The following CC2D2B variants were observed in gnomAD, a reference collection of about 807,000 sequenced individuals.
CC2D2B encodes coiled-coil and C2 domain containing 2B.
In CC2D2B, 128 loss-of-function variants were observed where a neutral mutation model predicts 161.2. The observed-to-expected ratio is 0.79, with a 90% CI of 0.69 to 0.92. The LOEUF (loss-of-function observed/expected upper bound fraction) is 0.92, where lower values mean the gene tolerates loss of function less well. Ranked by LOEUF, CC2D2B falls within the 40% of genes least tolerant of loss-of-function variation. CC2D2B has a pLI of 0.00. For missense variants in CC2D2B, 1,173 were observed against 1,375.1 expected, an observed-to-expected ratio of 0.85 and a Z score of 2.32; for synonymous variants, 391 against 449.8, an observed-to-expected ratio of 0.87 and a Z score of 1.65.
Position 95,966,244 on chromosome 10 carries a change from AC to A in CC2D2B, c.1410del (p.Leu471Ter). The A allele has an allele frequency of 8.1e-7, 1 of 1,228,822 alleles. No individual in the cohort carries two copies. Among genetic ancestry groups the A allele is most frequent in the Non-Finnish European group, 1.0e-6 (1 of 985,244 alleles). 76.1% of individuals were successfully genotyped at this position (1,228,822 alleles called of 1,614,324 possible). ...ETEIERIKPI[T>X]LRPQLSFTAE... ...AGAAATTGAAAGAATAAAGCCAATT[AC>A]CTTGAGGCCACAACTTTCTTTCACT... On this transcript the variant is annotated frameshift_variant, in exon 14 of 35. Coordinates refer to ENST00000646931, the MANE Select transcript of CC2D2B (RefSeq NM_001349008.3). LOFTEE classifies it high-confidence loss of function.
intron 17 of CC2D2B, among the ~76,000 whole-genome samples, chr10:95,979,495 T>A (rs548824083): frequency 1.3e-5 from 2 of 152,110 alleles, no homozygotes; most frequent in Non-Finnish European, 2.9e-5. Context: ...CTAAGTAAAG[T>A]TCCCCCCAGA....
In CC2D2B at chr10:96,033,070, A is replaced by C. The variant is rs377271836; in HGVS notation, c.*1062A>C. Among the ~76,000 whole-genome samples, 49 of 152,218 alleles carry C rather than the reference A, an allele frequency of 3.2e-4. No homozygotes were observed. Among genetic ancestry groups the C allele is most frequent in the African/African-American group, 1.1e-3 (44 of 41,458 alleles). On this transcript the variant is annotated 3_prime_UTR_variant, in exon 35 of 35. Transcript: ENST00000646931. ...ATAACTTATCAAAAAGAAATAATCA[A>C]GGAGTATGGATTTCCAAAGGTTGAC...
In CC2D2B at chr10:95,965,725, T is replaced by A. The variant is rs149206682; in HGVS notation, c.1251-171T>A. 1.1e-3 allele frequency among the ~76,000 whole-genome samples: 166 copies of A among 152,116 alleles called. 1 individual carries two copies. The highest frequency in any genetic ancestry group is 1.9e-3 in the Non-Finnish European group (132 of 67,916). Reference sequence around the variant, plus strand: ...CCGAGAACAAGCTTATAAAGTTTTTTAAATATTTATCAAATTGGTAATTTC... The same window carrying A: ...CCGAGAACAAGCTTATAAAGTTTTTAAAATATTTATCAAATTGGTAATTTC... On this transcript the variant is annotated intron_variant, in intron 12 of 34. Coordinates refer to ENST00000646931, the MANE Select transcript of CC2D2B (RefSeq NM_001349008.3).
Position 95,927,219 on chromosome 10 carries a change from A to G in CC2D2B, c.241-18A>G, listed in dbSNP as rs1363157018. ...AGAAAAAGTGTTTATTTCAACACTA[A>G]ATACTGGTTTATCATAGTTGTCTCC... On this transcript the variant is annotated intron_variant, in intron 5 of 34. Transcript: ENST00000646931. 2.1e-6 allele frequency: 3 copies of G among 1,416,830 alleles called. No individual in the cohort carries two copies. In the Admixed American group the frequency reaches 6.1e-5, roughly 29 times the overall value. The allele number at this position is 1,416,830 out of a possible 1,614,324, so 87.8% of individuals were successfully genotyped here. A position where few individuals can be genotyped will look rare whatever the true frequency, so the allele number is the denominator to read the frequency against.
intron 26 of CC2D2B, among the ~76,000 whole-genome samples, chr10:96,011,367 A>T (rs1416338101): frequency 1.3e-5 from 2 of 152,120 alleles, no homozygotes; most frequent in African/African-American, 4.8e-5. Flanking sequence ...CTGGGTTGTA[A>T]TCCTGGCTCC....
At chr10:95,926,723 C>T (rs1431621805) in intron 5 of CC2D2B, among the ~76,000 whole-genome samples, 3 of 151,622 alleles carry the variant, frequency 2.0e-5, no homozygotes, top group Non-Finnish European at 4.4e-5. Flanking sequence ...AAAATGAGAG[C>T]TTCTTTGTCA....
At chr10:95,912,899 T>A (rs2098509024) in intron 2 of CC2D2B, among the ~76,000 whole-genome samples, 1 of 152,184 alleles carries the variant, frequency 6.6e-6, no homozygotes, top group South Asian at 2.1e-4. Context: ...ATACCATGTG[T>A]AATAATCACA....
intron 19 of CC2D2B, among the ~76,000 whole-genome samples, chr10:95,984,442 T>G (rs2077639437): frequency 6.6e-6 from 1 of 152,194 alleles, no homozygotes; most frequent in Non-Finnish European, 1.5e-5. Context: ...TGCTGAAGTA[T>G]TTATCTAGAG....
chr10:95,972,330 T>C (rs2077164658), intron 16 of CC2D2B, 114 bp downstream of exon 16: 4 of 664,316 alleles, frequency 6.0e-6, no homozygotes, highest in Middle Eastern at 9.6e-4. Context: ...ATATTCTTTT[T>C]TGTTTGTTTG....
intron 24 of CC2D2B, among the ~76,000 whole-genome samples, chr10:95,997,723 G>A (rs1450845233): frequency 1.3e-5 from 2 of 152,158 alleles, no homozygotes; most frequent in African/African-American, 4.8e-5. Flanking sequence ...GCCCACTTCT[G>A]TAGTTTCTAA....
intron 34 of CC2D2B, among the ~76,000 whole-genome samples, chr10:96,031,337 A>G (rs2141997160): frequency 6.6e-6 from 1 of 152,348 alleles, no homozygotes; most frequent in African/African-American, 2.4e-5. Flanking sequence ...ACAGTGTGAA[A>G]GAATGGTTGT....
At chr10:95,972,604 G>A (rs1271845489) in intron 16 of CC2D2B, among the ~76,000 whole-genome samples, 1 of 152,072 alleles carries the variant, frequency 6.6e-6, no homozygotes, top group Admixed American at 6.5e-5. Context: ...GTGAGCCACC[G>A]CACCTGGCCC....
intron 15 of CC2D2B, among the ~76,000 whole-genome samples, chr10:95,969,562 G>A (rs189165924): frequency 6.4e-4 from 97 of 152,126 alleles, no homozygotes; most frequent in Admixed American, 2.7e-3. Context: ...GAAGGGAGGT[G>A]CTTGAGGAGT....
chr10:95,966,357 G>T, intron 14 of CC2D2B, 55 bp downstream of exon 14: 1 of 655,864 alleles, frequency 1.5e-6, no homozygotes, highest in Non-Finnish European at 2.2e-6. Context: ...TAATTGGATT[G>T]TTTTTAATAA....
Position 96,019,692 on chromosome 10 carries a change from G to GT in CC2D2B, c.3766-6dup. On this transcript the variant is annotated splice_polypyrimidine_tract_variant and intron_variant, in intron 31 of 34. Transcript: ENST00000646931. ...GGACCTACACTAATGTTATATTAATGTTTTCATAGGTCTGGTTTAATATTC... is the reference window on the plus strand; with the variant it reads ...GGACCTACACTAATGTTATATTAATGTTTTTCATAGGTCTGGTTTAATATTC... The GT allele has an allele frequency of 6.4e-7, 1 of 1,563,520 alleles. No homozygotes were observed. Among genetic ancestry groups the GT allele is most frequent in the Non-Finnish European group, 8.6e-7 (1 of 1,162,340 alleles).
intron 5 of CC2D2B, among the ~76,000 whole-genome samples, chr10:95,926,773 T>C (rs1209320599): frequency 6.6e-6 from 1 of 150,964 alleles, no homozygotes; most frequent in Admixed American, 6.7e-5. Context: ...TTCAGACTTT[T>C]AATTGCTTCT....
At chr10:95,977,225 A>AT (rs1424257898) in intron 17 of CC2D2B, among the ~76,000 whole-genome samples, 1 of 152,134 alleles carries the variant, frequency 6.6e-6, no homozygotes, top group Middle Eastern at 3.2e-3. Flanking sequence ...AAATACAAAA[A>AT]TTAGCTGGAC....
In CC2D2B at chr10:96,033,117, A is replaced by G. The variant is rs2080113494; in HGVS notation, c.*1109A>G. ...TGACCAGAGCAGTTTTGTATGAGGT[A>G]AAGATAAAAGAACATTCACCTCTCC... is the stretch of plus-strand genomic sequence containing the variant. On this transcript the variant is annotated 3_prime_UTR_variant, in exon 35 of 35. Transcript: ENST00000646931. Among the ~76,000 whole-genome samples, 1 of 152,344 alleles carries G rather than the reference A, an allele frequency of 6.6e-6. No individual in the cohort carries two copies. The highest frequency in any genetic ancestry group is 6.5e-5 in the Admixed American group (1 of 15,290).
At chr10:95,923,137 A>G (rs2098531077) in intron 3 of CC2D2B, among the ~76,000 whole-genome samples, 1 of 152,038 alleles carries the variant, frequency 6.6e-6, no homozygotes, top group South Asian at 2.1e-4. Context: ...TTTTTAGTAG[A>G]GATGGGGTTT....
Sources: gnomAD v4.1 joint callset for allele counts (sites outside exome capture counted in the v4.1 genomes callset) on GRCh38, gnomAD v4.1.1 for gene constraint, MANE v1.5 for transcripts, NCBI Gene and HGNC (gene_info 2026-07-23, HGNC 2026-07-21) for gene names.